Variants in GOT1L1 observed in about 807,000 individuals in gnomAD.
GOT1L1 encodes the protein aspartate aminotransferase, cytoplasmic 2.
GOT1L1 carries 38 observed loss-of-function variants against 43.6 expected under a neutral mutation model. That is an observed-to-expected ratio of 0.87 (90% CI 0.67 to 1.14). The LOEUF (loss-of-function observed/expected upper bound fraction) is 1.14. Ranked by LOEUF, GOT1L1 falls within the 50% of genes most tolerant of loss-of-function variation. The pLI is 0.00. For synonymous variants in GOT1L1, 183 were observed against 187.2 expected, an observed-to-expected ratio of 0.98 and a Z score of 0.18; for missense variants, 482 against 504.0, an observed-to-expected ratio of 0.96 and a Z score of 0.42.
intron 6 of GOT1L1, 22 bp downstream of exon 6, chr8:37,936,698 C>A: frequency 6.3e-7 from 1 of 1,589,458 alleles, no homozygotes; most frequent in Non-Finnish European, 8.6e-7. Flanking sequence ...ACAGACCCTC[C>A]CTTCTTCTGC....
At chr8:37,939,434 ATATATATATATATATATATATATATATAT>A (rs1807865130) in intron 1 of GOT1L1, among the ~76,000 whole-genome samples, 1 of 57,974 alleles carries the variant, frequency 1.7e-5, no homozygotes, top group Non-Finnish European at 3.2e-5. Flanking sequence ...AAAAAAAAAT[ATATATATATATATATATATATATATATAT>A]ATATATATAT....
chr8:37,934,913 T>C, intron 8 of GOT1L1, 160 bp downstream of exon 8: 1 of 762,894 alleles, frequency 1.3e-6, no homozygotes, highest in Non-Finnish European at 2.1e-6. Flanking sequence ...GTGTCGGTAC[T>C]TCTGGGGGTC....
At chr8:37,938,928 C>A (rs1370863227) in intron 1 of GOT1L1, 47 bp from the exon 2 acceptor site, 3 of 1,584,634 alleles carry the variant, frequency 1.9e-6, no homozygotes, top group Admixed American at 1.7e-5. Context: ...GGTTTGGGCC[C>A]CCAGGGCTGA....
intron 2 of GOT1L1, among the ~76,000 whole-genome samples, 182 bp downstream of exon 2, chr8:37,938,518 C>T (rs1363755483): frequency 6.6e-6 from 1 of 152,166 alleles, no homozygotes. Context: ...GGTGGGAATA[C>T]CACTGGACTG....
intron 1 of GOT1L1, among the ~76,000 whole-genome samples, chr8:37,939,246 C>G (rs1807847736): frequency 6.6e-6 from 1 of 150,708 alleles, no homozygotes; most frequent in Admixed American, 6.6e-5. Context: ...GAAACCCTGT[C>G]TCTACAAAAA....
At chr8:37,939,598 A>C (rs940811377) in intron 1 of GOT1L1, among the ~76,000 whole-genome samples, 2 of 150,356 alleles carry the variant, frequency 1.3e-5, no homozygotes, top group African/African-American at 4.9e-5. Flanking sequence ...GAACAGGAAG[A>C]GAAAGAGAAA....
chr8:37,938,555 A>C (rs1479208402), intron 2 of GOT1L1, 145 bp downstream of exon 2: 1 of 656,712 alleles, frequency 1.5e-6, no homozygotes, highest in East Asian at 2.9e-5. Flanking sequence ...TCGATGGCTA[A>C]GGACTTGTGG....
At chr8:37,939,368 C>G (rs1807850772) in intron 1 of GOT1L1, among the ~76,000 whole-genome samples, 1 of 139,156 alleles carries the variant, frequency 7.2e-6, no homozygotes, top group Non-Finnish European at 1.5e-5. Flanking sequence ...GAGCTGAGAT[C>G]TTGCCACTGC....
chr8:37,935,056 G>C lies in GOT1L1; in HGVS notation c.1072+17C>G. The stretch of plus-strand genomic sequence containing the variant: ...CAAAGGTCAGAAAGGGGGGACACCA[G>C]CCCCCTAGACCCTTACAGTTGAGTC... On this transcript the variant is annotated intron_variant, in intron 8 of 8. Transcript: ENST00000307599. 1 of 1,613,058 alleles carries C rather than the reference G, an allele frequency of 6.2e-7. No individual in the cohort carries two copies. Among genetic ancestry groups the C allele is most frequent in the South Asian group, 1.1e-5 (1 of 90,962 alleles).
chr8:37,939,822 G>C, intron 1 of GOT1L1, 93 bp downstream of exon 1: 1 of 1,280,882 alleles, frequency 7.8e-7, no homozygotes, highest in South Asian at 1.4e-5. Flanking sequence ...AGAAGCTTGG[G>C]CTGCACCCCT....
chr8:37,940,058 T>A lies in GOT1L1; in HGVS notation c.-29A>T. 1 of 1,600,214 alleles carries A rather than the reference T, an allele frequency of 6.2e-7. No homozygotes were observed. Among genetic ancestry groups the A allele is most frequent in the East Asian group, 2.2e-5 (1 of 44,484 alleles). The stretch of plus-strand genomic sequence containing the variant: ...TGAAACGAAACTGGAGCCAAGACTA[T>A]GTGTCTCTGCTCCTGTGTTCCGCTT... On this transcript the variant is annotated 5_prime_UTR_variant, in exon 1 of 9. Coordinates refer to ENST00000307599, the MANE Select transcript of GOT1L1 (RefSeq NM_152413.3).
chr8:37,939,035 G>A (rs921959923), intron 1 of GOT1L1, 154 bp from the exon 2 acceptor site: 2 of 656,242 alleles, frequency 3.0e-6, no homozygotes, highest in African/African-American at 3.6e-5. Context: ...TTTTCTCCTT[G>A]ATGAAAAGAA....
chr8:37,934,392 A>G lies in GOT1L1; in HGVS notation c.1167T>C (p.Asn389=). ...NFSCINANNI[N]YITEGINEAV... ...CCTCATTGATGCCCTCAGTGATGTA[A>G]TTTATGTTGTTGGCATTGATACAGC... Residue 389 remains asparagine (N), a synonymous_variant, in exon 9 of 9, where the codon AAT becomes AAC. Transcript: ENST00000307599. 1 of 1,613,430 alleles carries G rather than the reference A, an allele frequency of 6.2e-7. No individual in the cohort carries two copies. The highest frequency in any genetic ancestry group is 8.5e-7 in the Non-Finnish European group (1 of 1,179,490).
chr8:37,936,694 C>T, intron 6 of GOT1L1, 26 bp downstream of exon 6: 2 of 1,586,552 alleles, frequency 1.3e-6, no homozygotes, highest in South Asian at 1.1e-5. Context: ...AGCAACAGAC[C>T]CTCCCTTCTT....
chr8:37,935,858 C>T lies in GOT1L1; in HGVS notation c.775G>A (p.Gly259Arg). 6.2e-7 allele frequency: 1 copy of T among 1,612,944 alleles called. No individual in the cohort carries two copies. Among genetic ancestry groups the T allele is most frequent in the Non-Finnish European group, 8.5e-7 (1 of 1,179,444 alleles). Residue 259 changes from glycine to arginine, a missense_variant, in exon 7 of 9, where the codon GGG (glycine) becomes AGG (arginine). Coordinates refer to ENST00000307599, the MANE Select transcript of GOT1L1 (RefSeq NM_152413.3). Reference protein sequence around the residue: ...KNFGIYDEGVGMLVVVAVNNQ... With the variant: ...KNFGIYDEGVRMLVVVAVNNQ... ...TTGACTGCCACCACCACTAGCATCC[C>T]CACTCCTTCATCTGCAGTGTTGGGA...
At chr8:37,937,519 C>T in intron 3 of GOT1L1, 119 bp downstream of exon 3, 2 of 1,012,334 alleles carry the variant, frequency 2.0e-6, no homozygotes, top group South Asian at 1.5e-5. Context: ...AATAGCTTGG[C>T]TTGTCTGCCA....
intron 1 of GOT1L1, among the ~76,000 whole-genome samples, chr8:37,939,431 A>AAATATATAT (rs1237987679): frequency 1.1e-3 from 45 of 41,620 alleles, no homozygotes; most frequent in Non-Finnish European, 1.8e-3. Flanking sequence ...AAAAAAAAAA[A>AAATATATAT]ATATATATAT....
At position 37,935,876 on chromosome 8, in the gene GOT1L1, T is replaced by C. The variant is rs1168000756; in HGVS notation, c.764-7A>G. 6.2e-7 allele frequency: 1 copy of C among 1,610,546 alleles called. No individual in the cohort carries two copies. The highest frequency in any genetic ancestry group is 1.1e-5 in the South Asian group (1 of 90,384). ...AGCATCCCCACTCCTTCATCTGCAG[T>C]GTTGGGAAGACAGCCTCAGCCTCAG... On this transcript the variant is annotated splice_polypyrimidine_tract_variant and splice_region_variant and intron_variant, in intron 6 of 8. Transcript: ENST00000307599.
At position 37,935,043 on chromosome 8, in the gene GOT1L1, AG is replaced by A. The variant is rs770053346; in HGVS notation, c.1072+29del. ...CTCAAATACAGGCCAAAGGTCAGAAAGGGGGGACACCAGCCCCCTAGACCCT... is the reference window on the plus strand; with the variant it reads ...CTCAAATACAGGCCAAAGGTCAGAAAGGGGGACACCAGCCCCCTAGACCCT... On this transcript the variant is annotated intron_variant, in intron 8 of 8. Transcript: ENST00000307599. 6.2e-6 allele frequency: 10 copies of A among 1,612,162 alleles called. No homozygotes were observed. The Admixed American group carries it at 1.3e-4, about 22-fold the overall frequency.
Sources: allele counts gnomAD v4.1 joint callset (sites outside exome capture counted in the v4.1 genomes callset), GRCh38; gene constraint gnomAD v4.1.1; transcripts MANE v1.5; gene names NCBI Gene and HGNC (gene_info 2026-07-23, HGNC 2026-07-21).